Variants in STK31 observed in about 807,000 individuals in gnomAD.
STK31 encodes the protein serine/threonine-protein kinase 31.
Under a neutral mutation model 129.7 loss-of-function variants are expected in STK31, and 89 were observed. The ratio of observed to expected loss-of-function variants is 0.69; its 90% CI spans 0.58 to 0.82. STK31 has a LOEUF of 0.82. Among genes scored for constraint, STK31 ranks in the 40% least tolerant of loss-of-function variants. STK31 has a pLI of 0.00. For missense variants in STK31, 1,187 were observed against 1,176.4 expected (o/e 1.01, Z -0.13); for synonymous variants, 448 against 395.3 (o/e 1.13, Z -1.58).
At chr7:23,771,231 T>A in intron 14 of STK31, 107 bp downstream of exon 14, 5 of 1,011,836 alleles carry the variant, frequency 4.9e-6, no homozygotes, top group Non-Finnish European at 6.8e-6. Flanking sequence ...AAATTGTTAT[T>A]ACTAGAATTC....
chr7:23,717,428 A>G, intron 3 of STK31, 53 bp from the exon 4 acceptor site: 1 of 1,301,576 alleles, frequency 7.7e-7, no homozygotes, highest in South Asian at 1.3e-5. Context: ...TCAAGCGTGT[A>G]ACACTGTAAA....
chr7:23,799,849 G>A (rs1166450826), intron 22 of STK31, among the ~76,000 whole-genome samples: 1 of 152,056 alleles, frequency 6.6e-6, no homozygotes, highest in Non-Finnish European at 1.5e-5. Context: ...TCTGACAAAG[G>A]TCTAGTATCC....
chr7:23,814,146 C>CTTTTTTTTTTTTTTTTTTTT lies in STK31; in HGVS notation c.2761-996_2761-995insTTTTTTTTTTTTTTTTTTTT, dbSNP rs71552259. The stretch of plus-strand genomic sequence containing the variant: ...GTTGGGAAACATCAGATCTGGCTCA[C>CTTTTTTTTTTTTTTTTTTTT]TTATTTTTTTTTTTTTTTCAGTTGG... On this transcript the variant is annotated intron_variant, in intron 22 of 23. Transcript: ENST00000355870. Among the ~76,000 whole-genome samples, 11 of 98,916 alleles carry CTTTTTTTTTTTTTTTTTTTT rather than the reference C, an allele frequency of 1.1e-4. 2 individuals carry two copies. Among genetic ancestry groups the CTTTTTTTTTTTTTTTTTTTT allele is most frequent in the Admixed American group, 1.3e-4 (1 of 7,580 alleles). The allele number at this position is 98,916 out of a possible 152,430, so 64.9% of individuals were successfully genotyped here.
intron 17 of STK31, among the ~76,000 whole-genome samples, chr7:23,783,908 G>C (rs368070411): frequency 2.0e-5 from 3 of 152,242 alleles, no homozygotes; most frequent in East Asian, 3.9e-4. Flanking sequence ...TACATTGCAT[G>C]ACACTTATTT....
At chr7:23,774,160 TA>T (rs1316303846) in intron 15 of STK31, among the ~76,000 whole-genome samples, 1 of 152,228 alleles carries the variant, frequency 6.6e-6, no homozygotes, top group Non-Finnish European at 1.5e-5. Flanking sequence ...ATGTGCCACA[TA>T]TTCTTAATCC....
chr7:23,735,256 C>T (rs777733186), intron 6 of STK31, among the ~76,000 whole-genome samples: 8 of 151,938 alleles, frequency 5.3e-5, no homozygotes, highest in Non-Finnish European at 1.2e-4. Flanking sequence ...ATGTAATCTG[C>T]TGGGTTAAAA....
chr7:23,710,251 G>T lies in STK31; in HGVS notation c.-35G>T, dbSNP rs545398696. 3.1e-6 allele frequency: 5 copies of T among 1,612,426 alleles called. No individual in the cohort carries two copies. The South Asian group carries it at 3.3e-5, about 11-fold the overall frequency. On this transcript the variant is annotated 5_prime_UTR_variant, in exon 1 of 24. Coordinates refer to ENST00000355870, the MANE Select transcript of STK31 (RefSeq NM_031414.5). ...AAGCTCACGCGGTAAGCCGCTGCAC[G>T]TGTGCTACGGCGGGCGGAGGGCCGA...
At chr7:23,765,410 A>G (rs1178261802) in intron 11 of STK31, among the ~76,000 whole-genome samples, 1 of 152,010 alleles carries the variant, frequency 6.6e-6, no homozygotes, top group Non-Finnish European at 1.5e-5. Context: ...TTGATAACAC[A>G]CTAATGGATT....
At chr7:23,780,996 T>A (rs879569310) in intron 15 of STK31, among the ~76,000 whole-genome samples, 1 of 152,242 alleles carries the variant, frequency 6.6e-6, no homozygotes, top group African/African-American at 2.4e-5. Flanking sequence ...TGTATTATCA[T>A]TGGAGACAGT....
At position 23,727,231 on chromosome 7, in the gene STK31, C is replaced by G; in HGVS notation, c.250-10C>G. ...ATGCCAAGTAATTTTGCTTTCTTTT[C>G]TCTTTGTAGATTTATGGTGGATTAT... On this transcript the variant is annotated splice_polypyrimidine_tract_variant and intron_variant, in intron 4 of 23. Coordinates refer to ENST00000355870, the MANE Select transcript of STK31 (RefSeq NM_031414.5). The G allele has an allele frequency of 6.2e-7, 1 of 1,612,728 alleles. No homozygotes were observed. The highest frequency in any genetic ancestry group is 8.5e-7 in the Non-Finnish European group (1 of 1,179,184).
At chr7:23,825,662 G>T (rs1485048729) in intron 23 of STK31, among the ~76,000 whole-genome samples, 2 of 152,058 alleles carry the variant, frequency 1.3e-5, no homozygotes, top group Non-Finnish European at 2.9e-5. Flanking sequence ...GTTTGCTCTT[G>T]CTCCTCTAGT....
intron 3 of STK31, among the ~76,000 whole-genome samples, chr7:23,715,833 T>G (rs1273310286): frequency 2.0e-5 from 3 of 152,162 alleles, no homozygotes; most frequent in Non-Finnish European, 4.4e-5. Context: ...ATTGAATATT[T>G]TGTTGGTATA....
intron 12 of STK31, among the ~76,000 whole-genome samples, chr7:23,769,375 T>G (rs1790038805): frequency 1.3e-5 from 2 of 149,528 alleles, no homozygotes; most frequent in African/African-American, 5.1e-5. Context: ...CATATCGGTC[T>G]TGTTCCTCCT....
intron 4 of STK31, chr7:23,721,816 A>G (rs963637816): frequency 1.2e-5 from 7 of 566,896 alleles, no homozygotes; most frequent in South Asian, 7.4e-5. Context: ...ATGATCCTCT[A>G]CATTCATTTG....
chr7:23,748,255 A>G (rs926529209), intron 8 of STK31, among the ~76,000 whole-genome samples: 1 of 151,954 alleles, frequency 6.6e-6, no homozygotes, highest in Non-Finnish European at 1.5e-5. Context: ...ATTTTTTTCA[A>G]TTATCTTTCT....
rs7779633 is a variant in STK31, at chr7:23,712,117, A to T, written c.69A>T (p.Gln23His). ...GTTCTAGTTTTTCAGGAATTGTTCA[A>T]ATGGATGAAGATACACATTACGATA... ...TESVSFSGIVQMDEDTHYDKV... is the reference protein window; with the variant it reads ...TESVSFSGIVHMDEDTHYDKV... The change falls in exon 2 of 24, where the codon CAA becomes CAT. Residue 23 changes from glutamine to histidine, a missense_variant. Physicochemically the swap from Gln to His is conservative, Grantham distance 24. This residue lies in a region of STK31 where 104 missense variants were observed against 98.3 expected (regional missense o/e 1.06). Transcript: ENST00000355870. The T allele has an allele frequency of 1.4e-5, 22 of 1,610,214 alleles. No homozygotes were observed. The highest frequency in any genetic ancestry group is 1.9e-5 in the Non-Finnish European group (22 of 1,176,878).
In STK31 at chr7:23,783,705, T is replaced by A. The variant is rs1791078898; in HGVS notation, c.2148+42T>A. 2.1e-6 allele frequency: 3 copies of A among 1,441,426 alleles called. No individual in the cohort carries two copies. The South Asian group carries it at 3.7e-5, about 18-fold the overall frequency. 89.3% of individuals were successfully genotyped at this position (1,441,426 alleles called of 1,614,324 possible). On this transcript the variant is annotated intron_variant, in intron 17 of 23. Coordinates refer to ENST00000355870, the MANE Select transcript of STK31 (RefSeq NM_031414.5). Reference sequence around the variant, plus strand: ...TTGCGAATTACTACTCTTCAGAGGGTGTTGAAAAGTGATAATATTAAATTT... The same window carrying A: ...TTGCGAATTACTACTCTTCAGAGGGAGTTGAAAAGTGATAATATTAAATTT...
At chr7:23,717,354 G>A (rs1407946504) in intron 3 of STK31, 127 bp from the exon 4 acceptor site, 7 of 531,594 alleles carry the variant, frequency 1.3e-5, no homozygotes, top group Non-Finnish European at 1.6e-5. Flanking sequence ...AAAAATACAG[G>A]CATAAGAAGT....
At chr7:23,795,045 G>C (rs780580488) in intron 22 of STK31, among the ~76,000 whole-genome samples, 4 of 152,224 alleles carry the variant, frequency 2.6e-5, no homozygotes, top group Non-Finnish European at 5.9e-5. Context: ...GCAGGAATTT[G>C]CATAAGTAAC....
Sources: gnomAD v4.1 joint callset for allele counts (sites outside exome capture counted in the v4.1 genomes callset) on GRCh38, gnomAD v4.1.1 for gene constraint, gnomAD v4.1.1 regional missense constraint, MANE v1.5 for transcripts, NCBI Gene and HGNC (gene_info 2026-07-23, HGNC 2026-07-21) for gene names.